The following CHGB variants were observed in gnomAD, a reference collection of about 807,000 sequenced individuals.
CHGB encodes chromogranin B, also known as secretogranin-1.
A neutral mutation model predicts 69.9 loss-of-function variants in CHGB; 46 were observed. The ratio of observed to expected loss-of-function variants is 0.66; its 90% CI spans 0.52 to 0.84. The LOEUF (loss-of-function observed/expected upper bound fraction) is 0.84, where lower values mean the gene tolerates loss of function less well. Ranked by LOEUF, CHGB falls within the 40% of genes least tolerant of loss-of-function variation. The pLI is 0.00. For missense variants in CHGB, 796 were observed against 822.2 expected (o/e 0.97, Z 0.39); for synonymous variants, 312 against 298.2 (o/e 1.05, Z -0.48).
chr20:5,912,997 A>G (rs985940258), intron 1 of CHGB, among the ~76,000 whole-genome samples: 1 of 152,232 alleles, frequency 6.6e-6, no homozygotes, highest in Non-Finnish European at 1.5e-5. Context: ...AAATCAAATG[A>G]ATATTTATAA....
chr20:5,921,408 T>G (rs2088513231), intron 3 of CHGB, among the ~76,000 whole-genome samples: 1 of 152,140 alleles, frequency 6.6e-6, no homozygotes, highest in Admixed American at 6.5e-5. Flanking sequence ...GTGACATAGG[T>G]TGAAATCCAA....
intron 3 of CHGB, among the ~76,000 whole-genome samples, chr20:5,920,038 C>T (rs748531493): frequency 6.6e-6 from 1 of 152,116 alleles, no homozygotes; most frequent in Non-Finnish European, 1.5e-5. Context: ...TCCCTGTTTT[C>T]GCTTGAAAGT....
In CHGB at chr20:5,912,941, G is replaced by A. The variant is rs754259763; in HGVS notation, c.49+1259G>A. 5.3e-5 allele frequency among the ~76,000 whole-genome samples: 8 copies of A among 151,964 alleles called. No homozygotes were observed. In the South Asian group the frequency reaches 6.2e-4, roughly 12 times the overall value. On this transcript the variant is annotated intron_variant, in intron 1 of 4. Coordinates refer to ENST00000378961, the MANE Select transcript of CHGB (RefSeq NM_001819.3). ...ACATTCAGAATTTGCTAAAATTCTT[G>A]TCATTCTCACAAATTGTCAATAAAT...
At chr20:5,924,183 G>A (rs1280870137) in intron 4 of CHGB, 83 bp downstream of exon 4, 24 of 1,447,808 alleles carry the variant, frequency 1.7e-5, no homozygotes, top group Non-Finnish European at 2.2e-5. Context: ...ATATTCACGG[G>A]GAGAAATTGG....
In CHGB at chr20:5,916,410, T is replaced by C. The variant is rs762651382; in HGVS notation, c.96+38T>C. ...GTCAATCTTAGAATCTAGACTTGTG[T>C]CTAGACTCTAGATTCTCCCAGTCCC... On this transcript the variant is annotated intron_variant, in intron 2 of 4. Transcript: ENST00000378961. 11 of 1,531,400 alleles carry C rather than the reference T, an allele frequency of 7.2e-6. No individual in the cohort carries two copies. The African/African-American group carries it at 1.2e-4, about 17-fold the overall frequency. 94.9% of individuals were successfully genotyped at this position (1,531,400 alleles called of 1,614,324 possible). A position where few individuals can be genotyped will look rare whatever the true frequency, so the allele number is the denominator to read the frequency against.
rs897757738 is a variant in CHGB at position 5,923,168 on chromosome 20, G to A, written c.1024G>A (p.Gly342Arg). The change falls in exon 4 of 5, where the codon GGA becomes AGA. Residue 342 changes from glycine (G) to arginine (R), a missense_variant. Gly to Arg is a moderately radical substitution (Grantham distance 125). Coordinates refer to ENST00000378961, the MANE Select transcript of CHGB (RefSeq NM_001819.3). ...GGCTTCAGAGGAAGAACCTGAATAT[G>A]GAGAAGAAATAAAGGGTTATCCAGG... is the stretch of plus-strand genomic sequence containing the variant. ...YRASEEEPEYGEEIKGYPGVQ... is the reference protein window; with the variant it reads ...YRASEEEPEYREEIKGYPGVQ... The A allele has an allele frequency of 1.4e-5, 22 of 1,613,774 alleles. No individual in the cohort carries two copies. Among genetic ancestry groups the A allele is most frequent in the Middle Eastern group, 3.3e-4 (2 of 6,082 alleles).
rs1201850551 is a variant in CHGB at position 5,923,022 on chromosome 20, C to A, written c.878C>A (p.Ser293Tyr). 1 of 1,612,578 alleles carries A rather than the reference C, an allele frequency of 6.2e-7. No individual in the cohort carries two copies. Among genetic ancestry groups the A allele is most frequent in the African/African-American group, 1.3e-5 (1 of 74,792 alleles). ...HHHGRSRPDR[S>Y]SQGGSLPSEE... is the part of the protein sequence containing the mutation. ...CACGGGAGGAGCAGGCCCGACAGGT[C>A]CTCTCAAGGAGGGAGTCTTCCCTCT... Residue 293 changes from serine to tyrosine, a missense_variant, in exon 4 of 5, where the codon TCC (serine) becomes TAC (tyrosine). Ser to Tyr is a moderately radical substitution (Grantham distance 144). Around this residue, in one of 3 missense-constraint regions of CHGB, gnomAD observed 518 missense variants for 506.3 expected, o/e 1.02. Coordinates refer to ENST00000378961, the MANE Select transcript of CHGB (RefSeq NM_001819.3).
At chr20:5,914,522 G>A (rs1348128764) in intron 1 of CHGB, 2 of 152,190 alleles carry the variant, frequency 1.3e-5, no homozygotes, top group Non-Finnish European at 1.5e-5. Flanking sequence ...AAAAAAAAGG[G>A]AAAGTATTAG....
chr20:5,923,370 G>C lies in CHGB; in HGVS notation c.1226G>C (p.Arg409Thr). The change falls in exon 4 of 5, where the codon AGG (arginine) becomes ACG (threonine). Residue 409 changes from arginine (R) to threonine (T), a missense_variant. Arg to Thr is a moderately conservative substitution (Grantham distance 71). Coordinates refer to ENST00000378961, the MANE Select transcript of CHGB (RefSeq NM_001819.3). ...TATGGTGAAGAAAGTGAGGAAGAGAGGGGCCTTGAGCCGGGAAAGGGACGC... is the reference window on the plus strand; with the variant it reads ...TATGGTGAAGAAAGTGAGGAAGAGACGGGCCTTGAGCCGGGAAAGGGACGC... ...HGYGEESEEE[R>T]GLEPGKGRHH... 1.2e-6 allele frequency: 2 copies of C among 1,613,852 alleles called. No individual in the cohort carries two copies. The highest frequency in any genetic ancestry group is 1.7e-6 in the Non-Finnish European group (2 of 1,180,014).
chr20:5,918,580 A>G (rs2088493058), intron 3 of CHGB, among the ~76,000 whole-genome samples: 1 of 151,958 alleles, frequency 6.6e-6, no homozygotes, highest in African/African-American at 2.4e-5. Flanking sequence ...TGGGAGGCTG[A>G]GGCGGGCGGA....
rs759794544 is a variant in CHGB, at chr20:5,925,036, G to T, written c.2021G>T (p.Ser674Ile). Residue 674 changes from serine (S) to isoleucine (I), a missense_variant, in exon 5 of 5, where the codon AGC (serine) becomes ATC (isoleucine). Transcript: ENST00000378961. ...LELQKIAEKF[S>I]QRG ...CTACAGAAGATAGCTGAGAAATTCAGCCAAAGGGGCTGACTGTCATTGGAG... is the reference window on the plus strand; with the variant it reads ...CTACAGAAGATAGCTGAGAAATTCATCCAAAGGGGCTGACTGTCATTGGAG... 1 of 1,612,274 alleles carries T rather than the reference G, an allele frequency of 6.2e-7. No homozygotes were observed. The highest frequency in any genetic ancestry group is 8.5e-7 in the Non-Finnish European group (1 of 1,178,602).
intron 1 of CHGB, 124 bp from the exon 2 acceptor site, chr20:5,916,202 C>T: frequency 1.4e-6 from 1 of 694,736 alleles, no homozygotes; most frequent in South Asian, 1.9e-5. Context: ...CATTTGTTTC[C>T]AAATATATTT....
In CHGB at chr20:5,923,867, C is replaced by G. The variant is rs2088533424; in HGVS notation, c.1723C>G (p.Pro575Ala). Reference protein sequence around the residue: ...EYNYDWWEKKPFSEDVNWGYE... With the variant: ...EYNYDWWEKKAFSEDVNWGYE... ...CAACTATGACTGGTGGGAGAAAAAG[C>G]CCTTCTCTGAGGATGTGAACTGGGG... is the stretch of plus-strand genomic sequence containing the variant. The change falls in exon 4 of 5, where the codon CCC becomes GCC. Residue 575 changes from proline (P) to alanine (A), a missense_variant. Around this residue, in one of 3 missense-constraint regions of CHGB, gnomAD observed 274 missense variants for 298.9 expected, o/e 0.92. Coordinates refer to ENST00000378961, the MANE Select transcript of CHGB (RefSeq NM_001819.3). 1 of 1,614,038 alleles carries G rather than the reference C, an allele frequency of 6.2e-7. No individual in the cohort carries two copies. Among genetic ancestry groups the G allele is most frequent in the Admixed American group, 1.7e-5 (1 of 59,990 alleles).
At chr20:5,924,154 T>A (rs946905585) in intron 4 of CHGB, 54 bp downstream of exon 4, 9 of 1,497,230 alleles carry the variant, frequency 6.0e-6, no homozygotes, top group Non-Finnish European at 8.0e-6. Flanking sequence ...TGTTAGCACA[T>A]TATGTTCAAG....
In CHGB at chr20:5,924,031, G is replaced by A. The variant is rs777300463; in HGVS notation, c.1887G>A (p.Pro629=). 2.6e-5 allele frequency: 42 copies of A among 1,613,524 alleles called. No individual in the cohort carries two copies. In the Admixed American group the frequency reaches 2.8e-4, roughly 11 times the overall value. Reference sequence around the variant, plus strand: ...CAGACTTCTATGATTCTGAGGAGCCGGTGAGCACCCACCAGGAGGCAGAAA... The same window carrying A: ...CAGACTTCTATGATTCTGAGGAGCCAGTGAGCACCCACCAGGAGGCAGAAA... ...EFPDFYDSEE[P]VSTHQEAENE... The change falls in exon 4 of 5, where the codon CCG becomes CCA. Residue 629 remains proline, a synonymous_variant. Coordinates refer to ENST00000378961, the MANE Select transcript of CHGB (RefSeq NM_001819.3).
At chr20:5,917,075 A>T in intron 3 of CHGB, 156 bp downstream of exon 3, 1 of 693,248 alleles carries the variant, frequency 1.4e-6, no homozygotes, top group Non-Finnish European at 2.6e-6. Flanking sequence ...GAGACAGAAG[A>T]TATGACTCCT....
At chr20:5,915,431 G>A (rs1027861076) in intron 1 of CHGB, 1 of 152,120 alleles carries the variant, frequency 6.6e-6, no homozygotes, top group African/African-American at 2.4e-5. Context: ...TACTAGGAGG[G>A]TTAGATATCT....
chr20:5,921,616 C>G (rs1017565828), intron 3 of CHGB, among the ~76,000 whole-genome samples: 3 of 152,160 alleles, frequency 2.0e-5, no homozygotes, highest in Non-Finnish European at 2.9e-5. Flanking sequence ...TGAAGTCTGT[C>G]CCCAACATCT....
Position 5,922,646 on chromosome 20 carries a change from G to C in CHGB, c.502G>C (p.Glu168Gln). The C allele has an allele frequency of 6.2e-7, 1 of 1,614,010 alleles. No individual in the cohort carries two copies. The highest frequency in any genetic ancestry group is 8.5e-7 in the Non-Finnish European group (1 of 1,179,910). ...EKSQREDEEE[E>Q]EGENYQKGER... Reference sequence around the variant, plus strand: ...GAGCCAGAGAGAGGATGAGGAGGAGGAGGAGGGAGAGAACTATCAAAAAGG... The same window carrying C: ...GAGCCAGAGAGAGGATGAGGAGGAGCAGGAGGGAGAGAACTATCAAAAAGG... Residue 168 changes from glutamate (E) to glutamine (Q), a missense_variant, in exon 4 of 5, where the codon GAG (glutamate) becomes CAG (glutamine). Coordinates refer to ENST00000378961, the MANE Select transcript of CHGB (RefSeq NM_001819.3).
Sources: allele counts gnomAD v4.1 joint callset (sites outside exome capture counted in the v4.1 genomes callset), GRCh38; gene constraint gnomAD v4.1.1; regional missense constraint gnomAD v4.1.1; transcripts MANE v1.5; gene names NCBI Gene and HGNC (gene_info 2026-07-23, HGNC 2026-07-21).